Variants in MAP3K20 observed in about 807,000 individuals in gnomAD.
MAP3K20 encodes the protein HCCS-4.
In MAP3K20, 40 loss-of-function variants were observed where a neutral mutation model predicts 85.7. The observed-to-expected ratio is 0.47, with a 90% CI of 0.36 to 0.61. The LOEUF is 0.61. Among genes scored for constraint, MAP3K20 ranks in the 20% least tolerant of loss-of-function variants. MAP3K20 has a pLI of 0.00. For synonymous variants in MAP3K20, 325 were observed against 327.7 expected, an observed-to-expected ratio of 0.99 and a Z score of 0.09; for missense variants, 817 against 961.7, an observed-to-expected ratio of 0.85 and a Z score of 1.99.
intron 2 of MAP3K20, among the ~76,000 whole-genome samples, chr2:173,158,156 A>G (rs898860394): frequency 1.8e-4 from 27 of 152,142 alleles, no homozygotes; most frequent in Non-Finnish European, 3.4e-4. Context: ...GCCCTAACTC[A>G]TGTTTGCTGT....
chr2:173,219,878 A>C (rs1406407325), intron 11 of MAP3K20, among the ~76,000 whole-genome samples: 1 of 152,014 alleles, frequency 6.6e-6, no homozygotes, highest in Non-Finnish European at 1.5e-5. Context: ...ACCAGCCTGG[A>C]CAGCATAGTG....
At chr2:173,176,773 C>T (rs1690172651) in intron 3 of MAP3K20, among the ~76,000 whole-genome samples, 2 of 152,060 alleles carry the variant, frequency 1.3e-5, no homozygotes, top group Non-Finnish European at 2.9e-5. Context: ...TAAAAAATAA[C>T]CAGATCCAAT....
rs145386299 is a variant in MAP3K20, at chr2:173,225,683, G to A, written c.988-4006G>A. On this transcript the variant is annotated intron_variant, in intron 11 of 19. Coordinates refer to ENST00000375213, the MANE Select transcript of MAP3K20 (RefSeq NM_016653.3). The stretch of plus-strand genomic sequence containing the variant: ...TCAAATCCAGAAGCTTTAGAGTTTC[G>A]TCTCTAATTATTTTTCTCCTGAACA... The A allele has an allele frequency of 1.4e-4, 136 of 983,554 alleles. No individual in the cohort carries two copies. In the East Asian group the frequency reaches 2.5e-3, roughly 18 times the overall value. 60.9% of individuals were successfully genotyped at this position (983,554 alleles called of 1,614,324 possible).
chr2:173,102,033 T>C (rs1300444653), intron 2 of MAP3K20, among the ~76,000 whole-genome samples: 1 of 152,236 alleles, frequency 6.6e-6, no homozygotes, highest in Non-Finnish European at 1.5e-5. Flanking sequence ...TCCGGGGCCA[T>C]ATACAACAAA....
chr2:173,266,432 A>G lies in MAP3K20; in HGVS notation c.2085A>G (p.Arg695=). Residue 695 remains arginine, a synonymous_variant, in exon 20 of 20, where the codon AGA becomes AGG. Transcript: ENST00000375213. The part of the protein sequence containing the change: ...SISLNSSPRG[R]YSGKSQHSTP... ...CACTCAATTCTTCTCCTAGAGGAAGATACAGTGGAAAGAGTCAGCATTCCA... is the reference window on the plus strand; with the variant it reads ...CACTCAATTCTTCTCCTAGAGGAAGGTACAGTGGAAAGAGTCAGCATTCCA... 2 of 1,614,172 alleles carry G rather than the reference A, an allele frequency of 1.2e-6. No homozygotes were observed. The highest frequency in any genetic ancestry group is 1.7e-6 in the Non-Finnish European group (2 of 1,180,020).
intron 10 of MAP3K20, chr2:173,211,415 ACAAG>A (rs1332647708): frequency 7.2e-5 from 11 of 152,214 alleles, no homozygotes; most frequent in Non-Finnish European, 7.3e-5. Flanking sequence ...CAGGATCTTT[ACAAG>A]CAGTTTCCTC....
chr2:173,127,177 A>G (rs1436618127), intron 2 of MAP3K20, among the ~76,000 whole-genome samples: 1 of 152,246 alleles, frequency 6.6e-6, no homozygotes, highest in Non-Finnish European at 1.5e-5. Context: ...AATCTAAGAA[A>G]GAATGAAAAG....
At chr2:173,178,771 T>C (rs1690241338) in intron 3 of MAP3K20, among the ~76,000 whole-genome samples, 1 of 152,202 alleles carries the variant, frequency 6.6e-6, no homozygotes, top group Non-Finnish European at 1.5e-5. Flanking sequence ...CCCATACTCT[T>C]TCAGAAAATA....
At chr2:173,195,811 T>C (rs1046016603) in intron 7 of MAP3K20, among the ~76,000 whole-genome samples, 1 of 152,112 alleles carries the variant, frequency 6.6e-6, no homozygotes, top group Non-Finnish European at 1.5e-5. Context: ...CTCAGACACT[T>C]TTACATCCAT....
At chr2:173,264,735 G>A (rs184197861) in intron 19 of MAP3K20, among the ~76,000 whole-genome samples, 2 of 152,284 alleles carry the variant, frequency 1.3e-5, no homozygotes, top group South Asian at 2.1e-4. Context: ...AAGTCAAGGC[G>A]AGGAAAGAAG....
In MAP3K20 at chr2:173,198,271, A is replaced by T. The variant is rs1031839649; in HGVS notation, c.669+159A>T. 5 of 561,510 alleles carry T rather than the reference A, an allele frequency of 8.9e-6. No individual in the cohort carries two copies. Among genetic ancestry groups the T allele is most frequent in the Non-Finnish European group, 9.3e-6 (3 of 322,846 alleles). 34.8% of individuals were successfully genotyped at this position (561,510 alleles called of 1,614,324 possible). On this transcript the variant is annotated intron_variant, in intron 8 of 19. Transcript: ENST00000375213. This position sits in a 1 kb window ranked among gnomAD's most constrained non-coding sequence, Gnocchi z 5.8. Reference sequence around the variant, plus strand: ...AAGGGTCAAAGTGATGTTATTCCTCATGAATGGACCCTTTACATCTAATTG... The same window carrying T: ...AAGGGTCAAAGTGATGTTATTCCTCTTGAATGGACCCTTTACATCTAATTG...
At chr2:173,176,044 GAT>G (rs1339633634) in intron 3 of MAP3K20, among the ~76,000 whole-genome samples, 100 of 152,206 alleles carry the variant, frequency 6.6e-4, no homozygotes, top group African/African-American at 2.3e-3. Flanking sequence ...AGGTTAGCGA[GAT>G]ATAGTGTTTA....
chr2:173,222,745 GGTT>G, intron 11 of MAP3K20: 3 of 985,296 alleles, frequency 3.0e-6, no homozygotes, highest in Non-Finnish European at 3.6e-6. Context: ...AGCCTACCAG[GGTT>G]GTTTTTTGTT....
intron 7 of MAP3K20, 47 bp from the exon 8 acceptor site, chr2:173,197,979 A>C (rs200046894): frequency 6.4e-7 from 1 of 1,572,980 alleles, no homozygotes; most frequent in Non-Finnish European, 8.7e-7. Flanking sequence ...TATGTACCAA[A>C]AAATATAAAG....
intron 2 of MAP3K20, among the ~76,000 whole-genome samples, chr2:173,135,682 G>T (rs1476040173): frequency 6.6e-6 from 1 of 152,100 alleles, no homozygotes; most frequent in East Asian, 1.9e-4. Context: ...CTGGGACTAG[G>T]TTTCTGCACT....
intron 2 of MAP3K20, among the ~76,000 whole-genome samples, chr2:173,137,924 A>G (rs906644097): frequency 2.0e-5 from 3 of 152,178 alleles, no homozygotes; most frequent in Non-Finnish European, 2.9e-5. Flanking sequence ...ATTCCAGGTA[A>G]GTAGCTTATT....
chr2:173,181,768 C>T (rs1394993602), intron 3 of MAP3K20, among the ~76,000 whole-genome samples: 1 of 152,014 alleles, frequency 6.6e-6, no homozygotes, highest in Non-Finnish European at 1.5e-5. Context: ...CATTATGCGG[C>T]CAGGCGCAGT....
At chr2:173,228,049 T>C (rs886357658) in intron 11 of MAP3K20, among the ~76,000 whole-genome samples, 8 of 152,176 alleles carry the variant, frequency 5.3e-5, no homozygotes, top group Admixed American at 4.6e-4. Context: ...GTGTGATGAC[T>C]CCTACCCACC....
intron 1 of MAP3K20, among the ~76,000 whole-genome samples, chr2:173,079,109 C>G (rs987148660): frequency 1.3e-5 from 2 of 152,062 alleles, no homozygotes; most frequent in Non-Finnish European, 2.9e-5. Context: ...CTACACAAAC[C>G]TAGATGCTAT....
Sources: allele counts gnomAD v4.1 joint callset (sites outside exome capture counted in the v4.1 genomes callset), GRCh38; gene constraint gnomAD v4.1.1; non-coding constraint Gnocchi (gnomAD v3.1); transcripts MANE v1.5; gene names NCBI Gene and HGNC (gene_info 2026-07-23, HGNC 2026-07-21).